SAMMSON: variants seen among roughly 807,000 people sequenced by gnomAD.
The protein encoded by SAMMSON is survival associated mitochondrial melanoma specific oncogenic non-coding RNA.
intron 7 of SAMMSON, among the ~76,000 whole-genome samples, chr3:70,342,453 A>T (rs191801270): frequency 9.2e-5 from 14 of 152,320 alleles, no homozygotes. Flanking sequence ...GAGTTGAGAC[A>T]TATTGATGGT....
At chr3:70,019,729 C>G (rs992289811) in intron 3 of SAMMSON, among the ~76,000 whole-genome samples, 8 of 152,126 alleles carry the variant, frequency 5.3e-5, no homozygotes, top group African/African-American at 1.7e-4. Context: ...ACCGGTTGTT[C>G]CTTTCCATGT....
intron 4 of SAMMSON, among the ~76,000 whole-genome samples, chr3:70,092,878 C>CA (rs2067309621): frequency 6.6e-6 from 1 of 150,902 alleles, no homozygotes; most frequent in Admixed American, 6.6e-5. Context: ...GGGAGGGTCT[C>CA]CGGATGTGTT....
At chr3:70,084,165 C>T (rs1286367804) in intron 4 of SAMMSON, among the ~76,000 whole-genome samples, 1 of 152,112 alleles carries the variant, frequency 6.6e-6, no homozygotes, top group Non-Finnish European at 1.5e-5. Flanking sequence ...TTTTGTGTGT[C>T]GTTCTTCAGC....
At chr3:70,261,462 T>C (rs534304645) in intron 6 of SAMMSON, among the ~76,000 whole-genome samples, 139 of 152,288 alleles carry the variant, frequency 9.1e-4, no homozygotes, top group African/African-American at 3.2e-3. Context: ...CCCTCCATGG[T>C]TGTGTTTGTA....
At chr3:70,202,154 A>G (rs191478037) in intron 4 of SAMMSON, among the ~76,000 whole-genome samples, 5 of 152,164 alleles carry the variant, frequency 3.3e-5, no homozygotes, top group Admixed American at 2.0e-4. Flanking sequence ...GTGACTGACT[A>G]GTGGTCTATC....
At chr3:70,164,120 A>G (rs2067627146) in intron 4 of SAMMSON, among the ~76,000 whole-genome samples, 1 of 152,064 alleles carries the variant, frequency 6.6e-6, no homozygotes. Context: ...CCTAGTTTTT[A>G]TTATTACCAA....
intron 7 of SAMMSON, among the ~76,000 whole-genome samples, chr3:70,295,531 C>A (rs888165120): frequency 1.3e-5 from 2 of 151,854 alleles, no homozygotes; most frequent in African/African-American, 2.4e-5. Context: ...AGTGAGATCC[C>A]GTCTCTACAA....
intron 2 of SAMMSON, among the ~76,000 whole-genome samples, chr3:70,401,121 A>G (rs1052345426): frequency 2.0e-5 from 3 of 151,988 alleles, no homozygotes; most frequent in Non-Finnish European, 2.9e-5. Context: ...CATTTCCTTC[A>G]TTCTTGTTTG....
intron 4 of SAMMSON, among the ~76,000 whole-genome samples, chr3:70,193,959 C>T (rs937793136): frequency 2.6e-5 from 4 of 152,136 alleles, no homozygotes; most frequent in African/African-American, 4.8e-5. Context: ...AAAACTGAAG[C>T]GACTTTCGCT....
At chr3:70,135,297 A>T (rs368338858) in intron 4 of SAMMSON, among the ~76,000 whole-genome samples, 5 of 152,314 alleles carry the variant, frequency 3.3e-5, no homozygotes, top group Admixed American at 2.0e-4. Context: ...GACCAGAAAG[A>T]AACAAAATAT....
chr3:70,104,467 G>A (rs1319745614), intron 4 of SAMMSON, among the ~76,000 whole-genome samples: 3 of 152,030 alleles, frequency 2.0e-5, no homozygotes, highest in Admixed American at 6.6e-5. Context: ...TGATGATGCT[G>A]ATAGAAGTAA....
At chr3:70,179,388 C>G (rs1701033267) in intron 4 of SAMMSON, among the ~76,000 whole-genome samples, 1 of 152,186 alleles carries the variant, frequency 6.6e-6, no homozygotes, top group South Asian at 2.1e-4. Context: ...TACACAGAAT[C>G]CTACGTGGGA....
At chr3:70,261,663 T>C (rs1170971728) in intron 6 of SAMMSON, among the ~76,000 whole-genome samples, 8 of 152,156 alleles carry the variant, frequency 5.3e-5, no homozygotes, top group African/African-American at 1.9e-4. Flanking sequence ...CAGCCAAAAC[T>C]GGCCTTATTT....
intron 6 of SAMMSON, among the ~76,000 whole-genome samples, chr3:70,253,511 T>C (rs189437225): frequency 6.6e-6 from 1 of 152,300 alleles, no homozygotes; most frequent in East Asian, 1.9e-4. Flanking sequence ...CCCAGCACTT[T>C]GGGAGGCCAA....
intron 1 of SAMMSON, among the ~76,000 whole-genome samples, chr3:70,001,460 T>G (rs1308352448): frequency 6.6e-6 from 1 of 151,952 alleles, no homozygotes; most frequent in African/African-American, 2.4e-5. Context: ...AGTGTTTTTT[T>G]TTTTTTTTAA....
intron 4 of SAMMSON, among the ~76,000 whole-genome samples, chr3:70,123,813 C>T (rs912401862): frequency 2.6e-5 from 4 of 152,198 alleles, no homozygotes; most frequent in Admixed American, 6.5e-5. Flanking sequence ...AGGGAGAGTG[C>T]AGGAAGGTAA....
intron 7 of SAMMSON, among the ~76,000 whole-genome samples, chr3:70,334,917 T>C (rs1702650035): frequency 6.6e-6 from 1 of 152,124 alleles, no homozygotes; most frequent in Non-Finnish European, 1.5e-5. Flanking sequence ...GGCACTTAAT[T>C]TTATCCTTCC....
At chr3:70,192,837 C>T (rs542041343) in intron 4 of SAMMSON, among the ~76,000 whole-genome samples, 1 of 152,240 alleles carries the variant, frequency 6.6e-6, no homozygotes, top group Non-Finnish European at 1.5e-5. Flanking sequence ...ACTCTATTTT[C>T]GACAGTTTCT....
At chr3:70,341,949 A>T (rs538125707) in intron 7 of SAMMSON, among the ~76,000 whole-genome samples, 15 of 152,344 alleles carry the variant, frequency 9.8e-5, no homozygotes, top group Non-Finnish European at 2.1e-4. Flanking sequence ...GGAATCAAAG[A>T]AAGTATTAAA....
Sources: gnomAD v4.1 joint callset for allele counts (sites outside exome capture counted in the v4.1 genomes callset) on GRCh38, gnomAD v4.1.1 for gene constraint, MANE v1.5 for transcripts, NCBI Gene and HGNC (gene_info 2026-07-23, HGNC 2026-07-21) for gene names.